The following THSD7B variants were observed in gnomAD, a reference collection of about 807,000 sequenced individuals.
THSD7B encodes thrombospondin type-1 domain-containing protein 7B.
Under a neutral mutation model 213.6 loss-of-function variants are expected in THSD7B, and 138 were observed. The observed-to-expected ratio is 0.65, with a 90% CI of 0.56 to 0.74. THSD7B has a LOEUF of 0.74. Among genes scored for constraint, THSD7B ranks in the 30% least tolerant of loss-of-function variants. THSD7B has a pLI of 0.00. For synonymous variants in THSD7B, 742 were observed against 687.0 expected, an observed-to-expected ratio of 1.08 and a Z score of -1.25; for missense variants, 1,931 against 1,991.5, an observed-to-expected ratio of 0.97 and a Z score of 0.58.
intron 13 of THSD7B, 91 bp from the exon 14 acceptor site, chr2:137,411,518 A>C: frequency 8.1e-7 from 1 of 1,237,844 alleles, no homozygotes; most frequent in Non-Finnish European, 1.1e-6. Flanking sequence ...TTTATTTAAT[A>C]TTCTAAAAGA....
chr2:137,184,883 G>A (rs1410035601), intron 7 of THSD7B, among the ~76,000 whole-genome samples: 3 of 152,092 alleles, frequency 2.0e-5, no homozygotes, highest in Non-Finnish European at 4.4e-5. Flanking sequence ...GGAATATGAG[G>A]CTTCATTCTA....
At chr2:137,353,475 C>T (rs556146241) in intron 12 of THSD7B, among the ~76,000 whole-genome samples, 81 of 152,022 alleles carry the variant, frequency 5.3e-4, no homozygotes, top group African/African-American at 1.8e-3. Flanking sequence ...TTCCTTGCAA[C>T]CTAAGGTGTC....
In THSD7B at chr2:137,677,525, T is replaced by A. The variant is rs1020270237; in HGVS notation, c.*920T>A. 2 of 152,654 alleles carry A rather than the reference T, an allele frequency of 1.3e-5. No individual in the cohort carries two copies. Among genetic ancestry groups the A allele is most frequent in the African/African-American group, 4.8e-5 (2 of 41,450 alleles). 9.5% of individuals were successfully genotyped at this position (152,654 alleles called of 1,614,324 possible). On this transcript the variant is annotated 3_prime_UTR_variant, in exon 28 of 28. Transcript: ENST00000409968. ...TTTAATTATCTGACCTCATTTAATA[T>A]ACATCAAACACCGATCCTGTTTGTA...
At chr2:136,958,933 C>T (rs1317070637) in intron 2 of THSD7B, among the ~76,000 whole-genome samples, 2 of 151,998 alleles carry the variant, frequency 1.3e-5, no homozygotes, top group East Asian at 1.9e-4. Context: ...TAGAATGTGG[C>T]GGGGGAGGAT....
At chr2:137,215,313 C>T (rs952094649) in intron 7 of THSD7B, among the ~76,000 whole-genome samples, 4 of 152,022 alleles carry the variant, frequency 2.6e-5, no homozygotes, top group Non-Finnish European at 5.9e-5. Flanking sequence ...TTAAGTTCCT[C>T]GTAGATTCTG....
chr2:137,602,159 A>G (rs1558855987), intron 17 of THSD7B, among the ~76,000 whole-genome samples: 1 of 152,186 alleles, frequency 6.6e-6, no homozygotes, highest in Non-Finnish European at 1.5e-5. Flanking sequence ...TTGAGAGTGG[A>G]GAATCATTAT....
chr2:137,190,921 C>T (rs184823902), intron 7 of THSD7B, among the ~76,000 whole-genome samples: 34 of 152,330 alleles, frequency 2.2e-4, no homozygotes, highest in East Asian at 1.9e-3. Flanking sequence ...CGGACTGCTG[C>T]GTGTCTCCTT....
chr2:137,585,097 T>G (rs1681690018), intron 17 of THSD7B, among the ~76,000 whole-genome samples: 1 of 152,238 alleles, frequency 6.6e-6, no homozygotes, highest in African/African-American at 2.4e-5. Context: ...ATTTACCCAT[T>G]TCTTCTAGAT....
At chr2:137,118,543 C>A in intron 5 of THSD7B, among the ~76,000 whole-genome samples, 1 of 152,060 alleles carries the variant, frequency 6.6e-6, no homozygotes, top group East Asian at 1.9e-4. Flanking sequence ...TGTAGTGGAG[C>A]AGAACATTGC....
At chr2:137,665,006 A>G (rs1051207647) in intron 26 of THSD7B, among the ~76,000 whole-genome samples, 1 of 152,192 alleles carries the variant, frequency 6.6e-6, no homozygotes, top group Non-Finnish European at 1.5e-5. Context: ...CCCAGGCCCA[A>G]AGAAACACAG....
chr2:137,524,244 TTGCCGTTA>T, intron 15 of THSD7B, among the ~76,000 whole-genome samples: 1 of 152,018 alleles, frequency 6.6e-6, no homozygotes, highest in Non-Finnish European at 1.5e-5. Flanking sequence ...TGGGGAGGCT[TTGCCGTTA>T]GCCTCCCCAA....
chr2:136,965,864 T>C (rs1245111348), intron 2 of THSD7B, among the ~76,000 whole-genome samples: 2 of 152,152 alleles, frequency 1.3e-5, no homozygotes, highest in East Asian at 1.9e-4. Context: ...TCCCACGTGG[T>C]AGGTGCTTAA....
intron 15 of THSD7B, among the ~76,000 whole-genome samples, chr2:137,494,810 A>T (rs1030402701): frequency 2.0e-5 from 3 of 152,148 alleles, no homozygotes; most frequent in African/African-American, 7.2e-5. Flanking sequence ...AGTCATCTAG[A>T]ATTACATGCA....
intron 10 of THSD7B, among the ~76,000 whole-genome samples, chr2:137,251,610 T>C (rs1225019014): frequency 1.3e-5 from 2 of 152,170 alleles, no homozygotes; most frequent in African/African-American, 4.8e-5. Context: ...AATGCAAAAT[T>C]GTGGTCATGT....
chr2:137,636,527 A>G (rs951655788), intron 20 of THSD7B, among the ~76,000 whole-genome samples: 1 of 152,250 alleles, frequency 6.6e-6, no homozygotes, highest in Non-Finnish European at 1.5e-5. Context: ...ATATTAGATA[A>G]AATAAACCCA....
At chr2:136,975,680 G>A (rs1028557667) in intron 2 of THSD7B, among the ~76,000 whole-genome samples, 1 of 151,978 alleles carries the variant, frequency 6.6e-6, no homozygotes, top group Non-Finnish European at 1.5e-5. Flanking sequence ...CTCTTTTTTG[G>A]TACTACATGA....
intron 24 of THSD7B, among the ~76,000 whole-genome samples, chr2:137,658,162 T>C (rs567293002): frequency 4.0e-4 from 61 of 152,364 alleles, no homozygotes; most frequent in African/African-American, 1.4e-3. Context: ...GTTTACTTGC[T>C]CTTGCACTAT....
At chr2:136,932,823 T>A (rs1321171382) in intron 2 of THSD7B, among the ~76,000 whole-genome samples, 1 of 151,906 alleles carries the variant, frequency 6.6e-6, no homozygotes, top group Non-Finnish European at 1.5e-5. Context: ...AGCTGTTCAG[T>A]GTGAATTTGT....
At position 137,020,409 on chromosome 2, in the gene THSD7B, G is replaced by A. The variant is rs998102078; in HGVS notation, c.140-36011G>A. Among the ~76,000 whole-genome samples the A allele has an allele frequency of 5.3e-5, 8 of 152,138 alleles. No homozygotes were observed. In the East Asian group the frequency reaches 7.7e-4, roughly 15 times the overall value. Reference sequence around the variant, plus strand: ...CCAGACCTGCTAAATGCCTGCAATCGCTTTAGAAAATTGATTGTGCTTATT... The same window carrying A: ...CCAGACCTGCTAAATGCCTGCAATCACTTTAGAAAATTGATTGTGCTTATT... On this transcript the variant is annotated intron_variant, in intron 2 of 27. Transcript: ENST00000409968.
Sources: gnomAD v4.1 joint callset for allele counts (sites outside exome capture counted in the v4.1 genomes callset) on GRCh38, gnomAD v4.1.1 for gene constraint, MANE v1.5 for transcripts, NCBI Gene and HGNC (gene_info 2026-07-23, HGNC 2026-07-21) for gene names.